Variants in CHST11 observed in about 807,000 individuals in gnomAD.
The protein encoded by CHST11 is carbohydrate sulfotransferase 11.
CHST11 carries 9 observed loss-of-function variants against 30.4 expected under a neutral mutation model. That is an observed-to-expected ratio of 0.30 (90% CI 0.18 to 0.52). The LOEUF (loss-of-function observed/expected upper bound fraction) is 0.52. Ranked by LOEUF, CHST11 falls within the 20% of genes least tolerant of loss-of-function variation. The pLI is 0.97. For synonymous variants in CHST11, 152 were observed against 187.8 expected (o/e 0.81, Z 1.56); for missense variants, 348 against 460.6 (o/e 0.76, Z 2.24).
At chr12:104,573,264 C>A (rs572754217) in intron 1 of CHST11, among the ~76,000 whole-genome samples, 1 of 152,040 alleles carries the variant, frequency 6.6e-6, no homozygotes, top group Non-Finnish European at 1.5e-5. Context: ...GAATCAATAT[C>A]GTGAAAATGG....
intron 2 of CHST11, among the ~76,000 whole-genome samples, chr12:104,675,266 A>G (rs2039730506): frequency 6.6e-6 from 1 of 152,260 alleles, no homozygotes; most frequent in South Asian, 2.1e-4. Flanking sequence ...GATCTCATTA[A>G]GGACCTATAA....
At chr12:104,483,436 C>G (rs2037646950) in intron 1 of CHST11, among the ~76,000 whole-genome samples, 2 of 152,118 alleles carry the variant, frequency 1.3e-5, no homozygotes, top group Admixed American at 1.3e-4. Flanking sequence ...GAACTCCTGA[C>G]CTCAGGTGAT....
At chr12:104,530,834 T>G (rs919665920) in intron 1 of CHST11, among the ~76,000 whole-genome samples, 1 of 152,242 alleles carries the variant, frequency 6.6e-6, no homozygotes, top group Non-Finnish European at 1.5e-5. Context: ...AAGTTTCTTT[T>G]GGTTCAGAAG....
intron 1 of CHST11, among the ~76,000 whole-genome samples, chr12:104,468,370 A>G (rs1160700003): frequency 1.3e-5 from 2 of 152,200 alleles, no homozygotes; most frequent in African/African-American, 2.4e-5. Context: ...TGTATACGCT[A>G]TAATTACCAC....
At chr12:104,476,358 A>G (rs1762902983) in intron 1 of CHST11, among the ~76,000 whole-genome samples, 1 of 151,530 alleles carries the variant, frequency 6.6e-6, no homozygotes, top group Admixed American at 6.6e-5. Flanking sequence ...AAGATATGTA[A>G]TATATGTGTG....
chr12:104,580,199 G>A (rs570870336), intron 1 of CHST11, among the ~76,000 whole-genome samples: 228 of 152,298 alleles, frequency 1.5e-3, no homozygotes, highest in African/African-American at 5.2e-3. Context: ...ATCTTTTGTG[G>A]TTTTTGTTTA....
rs569880484 is a variant in CHST11 at position 104,705,739 on chromosome 12, G to A, written c.205-51210G>A. Among the ~76,000 whole-genome samples the A allele has an allele frequency of 1.3e-3, 205 of 151,974 alleles. 1 individual carries two copies. Among genetic ancestry groups the A allele is most frequent in the South Asian group, 4.6e-3 (22 of 4,804 alleles). On this transcript the variant is annotated intron_variant, in intron 2 of 2. Transcript: ENST00000303694. ...AGTTTGAGAACAGCCTGGCCAACAT[G>A]GCGAAACTCCTTCTCTACAAAAAAT... is the stretch of plus-strand genomic sequence containing the variant.
At chr12:104,609,784 C>T (rs2039040653) in intron 2 of CHST11, among the ~76,000 whole-genome samples, 1 of 152,202 alleles carries the variant, frequency 6.6e-6, no homozygotes, top group Non-Finnish European at 1.5e-5. Flanking sequence ...CATTCATTTT[C>T]TGGATGGAGT....
intron 2 of CHST11, among the ~76,000 whole-genome samples, chr12:104,717,884 A>G (rs532574016): frequency 6.6e-6 from 1 of 152,284 alleles, no homozygotes; most frequent in Admixed American, 6.5e-5. Flanking sequence ...CAGGAGGCAT[A>G]GGTTGCAGTG....
rs148711552 is a variant in CHST11, at chr12:104,668,951, C to G, written c.204+66960C>G. 4.9e-3 allele frequency among the ~76,000 whole-genome samples: 743 copies of G among 152,042 alleles called. 9 individuals are homozygous for G. The highest frequency in any genetic ancestry group is 0.017 in the African/African-American group (698 of 41,468). On this transcript the variant is annotated intron_variant, in intron 2 of 2. Coordinates refer to ENST00000303694, the MANE Select transcript of CHST11 (RefSeq NM_018413.6). Reference sequence around the variant, plus strand: ...TCTCCCCATTTCTGTGGGCAAGGAACACGGCCCCCAGGCAACTCTGGGTTC... The same window carrying G: ...TCTCCCCATTTCTGTGGGCAAGGAAGACGGCCCCCAGGCAACTCTGGGTTC...
intron 1 of CHST11, among the ~76,000 whole-genome samples, chr12:104,460,697 C>T (rs989490875): frequency 1.3e-5 from 2 of 150,448 alleles, no homozygotes; most frequent in South Asian, 4.2e-4. Flanking sequence ...AAAAAGGAGA[C>T]AGCTGGCAAG....
chr12:104,665,812 CTTTTTTTTTTTTTTT>C (rs59199522), intron 2 of CHST11, among the ~76,000 whole-genome samples: 1 of 78,842 alleles, frequency 1.3e-5, no homozygotes, highest in Non-Finnish European at 2.3e-5. Flanking sequence ...CTCTCTGTCT[CTTTTTTTTTTTTTTT>C]TTTTTTTTTT....
In CHST11 at chr12:104,583,767, T is replaced by C. The variant is rs574974425; in HGVS notation, c.119-18139T>C. Among the ~76,000 whole-genome samples the C allele has an allele frequency of 6.6e-5, 10 of 151,542 alleles. 1 individual carries two copies. In the South Asian group the frequency reaches 1.7e-3, roughly 25 times the overall value. ...TCACTCTGTCGCCCAGGCTGGAGTGTAGTGGCGAGATCTCAGCTCACTGCA... is the reference window on the plus strand; with the variant it reads ...TCACTCTGTCGCCCAGGCTGGAGTGCAGTGGCGAGATCTCAGCTCACTGCA... On this transcript the variant is annotated intron_variant, in intron 1 of 2. Coordinates refer to ENST00000303694, the MANE Select transcript of CHST11 (RefSeq NM_018413.6).
chr12:104,582,511 T>C (rs2038756402), intron 1 of CHST11, among the ~76,000 whole-genome samples: 1 of 152,204 alleles, frequency 6.6e-6, no homozygotes, highest in Admixed American at 6.5e-5. Flanking sequence ...CCTGTTTTCA[T>C]GTTATTATCT....
At position 104,512,549 on chromosome 12, in the gene CHST11, T is replaced by C. The variant is rs113095361; in HGVS notation, c.118+55020T>C. On this transcript the variant is annotated intron_variant, in intron 1 of 2. Coordinates refer to ENST00000303694, the MANE Select transcript of CHST11 (RefSeq NM_018413.6). The stretch of plus-strand genomic sequence containing the variant: ...CCTGTTTACTGCTCTTGTCCTAGCA[T>C]AATTATTCACAGTGCCCCTTTTATT... Among the ~76,000 whole-genome samples the C allele has an allele frequency of 7.7e-3, 1,175 of 152,316 alleles. 16 individuals are homozygous for C. Among genetic ancestry groups the C allele is most frequent in the African/African-American group, 0.027 (1,119 of 41,562 alleles).
At chr12:104,546,305 A>G (rs192287754) in intron 1 of CHST11, among the ~76,000 whole-genome samples, 2 of 150,858 alleles carry the variant, frequency 1.3e-5, no homozygotes, top group Admixed American at 1.3e-4. Flanking sequence ...CCCCATCTCT[A>G]CAAAAAAAAA....
At chr12:104,508,274 A>C (rs1420034387) in intron 1 of CHST11, among the ~76,000 whole-genome samples, 1 of 152,158 alleles carries the variant, frequency 6.6e-6, no homozygotes, top group Non-Finnish European at 1.5e-5. Flanking sequence ...GGTTCATGTC[A>C]TTTATTTAAA....
chr12:104,587,884 G>T, intron 1 of CHST11, among the ~76,000 whole-genome samples: 1 of 117,030 alleles, frequency 8.5e-6, no homozygotes, highest in South Asian at 2.8e-4. Flanking sequence ...CTGTCACCCG[G>T]GCTGGAGGAG....
At chr12:104,514,173 G>T (rs560557494) in intron 1 of CHST11, 3 of 983,320 alleles carry the variant, frequency 3.1e-6, no homozygotes, top group Non-Finnish European at 4.9e-6. Context: ...CCTACTCCAG[G>T]TGGCCACATA....
Sources: gnomAD v4.1 joint callset for allele counts (sites outside exome capture counted in the v4.1 genomes callset) on GRCh38, gnomAD v4.1.1 for gene constraint, MANE v1.5 for transcripts, NCBI Gene and HGNC (gene_info 2026-07-23, HGNC 2026-07-21) for gene names.